The following HS6ST3 variants were observed in gnomAD, a reference collection of about 807,000 sequenced individuals.
The protein encoded by HS6ST3 is heparan-sulfate 6-O-sulfotransferase 3.
In HS6ST3, 12 loss-of-function variants were observed where a neutral mutation model predicts 36.7. That is an observed-to-expected ratio of 0.33 (90% CI 0.21 to 0.53). The LOEUF (loss-of-function observed/expected upper bound fraction) is 0.53. Among genes scored for constraint, HS6ST3 ranks in the 20% least tolerant of loss-of-function variants. The probability of loss-of-function intolerance (pLI) is 0.95; values close to 1 mark genes in which losing one functional copy is unlikely to be tolerated. For missense variants in HS6ST3, 584 were observed against 640.9 expected (o/e 0.91, Z 0.96); for synonymous variants, 240 against 257.5 (o/e 0.93, Z 0.65).
chr13:96,752,426 G>A (rs1170809609), intron 1 of HS6ST3, among the ~76,000 whole-genome samples: 1 of 152,062 alleles, frequency 6.6e-6, no homozygotes, highest in East Asian at 1.9e-4. Context: ...AGCAGTGTTG[G>A]AACACTTTCT....
chr13:96,164,634 T>C (rs1052431195), intron 1 of HS6ST3, among the ~76,000 whole-genome samples: 2 of 152,152 alleles, frequency 1.3e-5, no homozygotes, highest in Admixed American at 1.3e-4. Flanking sequence ...CTCCACACAT[T>C]CCTCTTCACC....
chr13:96,241,409 A>G (rs895162614), intron 1 of HS6ST3, among the ~76,000 whole-genome samples: 3 of 152,120 alleles, frequency 2.0e-5, no homozygotes, highest in African/African-American at 7.2e-5. Flanking sequence ...TATATTATCC[A>G]TGGACCTATG....
chr13:96,223,663 GA>G (rs386773632), intron 1 of HS6ST3, among the ~76,000 whole-genome samples: 2 of 151,576 alleles, frequency 1.3e-5, no homozygotes, highest in East Asian at 1.9e-4. Context: ...TGGGGGGGGG[GA>G]AGTTTTTGTC....
In HS6ST3 at chr13:96,221,017, G is replaced by A. The variant is rs1371811869; in HGVS notation, c.707+129448G>A. Reference sequence around the variant, plus strand: ...CATCTTAAATATTATTATACATTTGGGTCAAATGAATGGATAGAAATAGCT... The same window carrying A: ...CATCTTAAATATTATTATACATTTGAGTCAAATGAATGGATAGAAATAGCT... On this transcript the variant is annotated intron_variant, in intron 1 of 1. Transcript: ENST00000376705. Among the ~76,000 whole-genome samples, 2 of 151,894 alleles carry A rather than the reference G, an allele frequency of 1.3e-5. 1 individual carries two copies. The highest frequency in any genetic ancestry group is 6.8e-3 in the Middle Eastern group (2 of 294).
intron 1 of HS6ST3, among the ~76,000 whole-genome samples, chr13:96,108,513 T>C (rs1238791900): frequency 6.6e-6 from 1 of 152,164 alleles, no homozygotes; most frequent in Non-Finnish European, 1.5e-5. Flanking sequence ...GTACACTCCC[T>C]CCCCTTTGAA....
At chr13:96,489,015 G>A (rs1328481422) in intron 1 of HS6ST3, among the ~76,000 whole-genome samples, 1 of 151,830 alleles carries the variant, frequency 6.6e-6, no homozygotes. Flanking sequence ...TACTGAAGAG[G>A]AAGATTAATA....
intron 1 of HS6ST3, among the ~76,000 whole-genome samples, chr13:96,517,621 CT>C (rs2056077724): frequency 6.6e-6 from 1 of 152,004 alleles, no homozygotes; most frequent in African/African-American, 2.4e-5. Flanking sequence ...TTATTTTAGG[CT>C]TGGGGCACAT....
intron 1 of HS6ST3, among the ~76,000 whole-genome samples, chr13:96,663,386 T>A (rs1040733928): frequency 3.3e-5 from 5 of 152,130 alleles, no homozygotes; most frequent in African/African-American, 1.2e-4. Flanking sequence ...AACTGGCTAA[T>A]AAGTGCATAA....
intron 1 of HS6ST3, among the ~76,000 whole-genome samples, chr13:96,384,509 T>C (rs967984696): frequency 2.6e-5 from 4 of 152,156 alleles, no homozygotes; most frequent in African/African-American, 9.7e-5. Flanking sequence ...TGCTAATAAG[T>C]GTCCATTGCT....
At chr13:96,806,578 CAAT>C (rs1280315501) in intron 1 of HS6ST3, among the ~76,000 whole-genome samples, 1 of 152,094 alleles carries the variant, frequency 6.6e-6, no homozygotes, top group Non-Finnish European at 1.5e-5. Flanking sequence ...GTTATTGTCA[CAAT>C]AATCTGCTTG....
intron 1 of HS6ST3, among the ~76,000 whole-genome samples, chr13:96,475,478 GTT>G (rs1307865771): frequency 6.6e-6 from 1 of 152,006 alleles, no homozygotes; most frequent in African/African-American, 2.4e-5. Context: ...GTTTTCACAA[GTT>G]TTCTTTTATT....
intron 1 of HS6ST3, among the ~76,000 whole-genome samples, chr13:96,457,027 C>T (rs1222909709): frequency 6.6e-6 from 1 of 151,962 alleles, no homozygotes; most frequent in Admixed American, 6.6e-5. Context: ...TATTTTAATG[C>T]AGTAGTAAAA....
At chr13:96,743,940 C>T (rs1369522487) in intron 1 of HS6ST3, among the ~76,000 whole-genome samples, 1 of 151,962 alleles carries the variant, frequency 6.6e-6, no homozygotes, top group Non-Finnish European at 1.5e-5. Flanking sequence ...GGGCCAAGCT[C>T]GTGCTTTTTT....
At chr13:96,825,298 G>A (rs762280222) in intron 1 of HS6ST3, among the ~76,000 whole-genome samples, 19 of 152,212 alleles carry the variant, frequency 1.2e-4, no homozygotes, top group Non-Finnish European at 2.1e-4. Flanking sequence ...CCAGCAAAGT[G>A]ATTCCAGGAA....
intron 1 of HS6ST3, among the ~76,000 whole-genome samples, chr13:96,693,073 T>C (rs1029112728): frequency 2.0e-5 from 3 of 152,190 alleles, no homozygotes; most frequent in African/African-American, 4.8e-5. Context: ...CATACTTTCA[T>C]TTTACTTCTC....
At chr13:96,590,696 G>A (rs943234454) in intron 1 of HS6ST3, among the ~76,000 whole-genome samples, 1 of 151,998 alleles carries the variant, frequency 6.6e-6, no homozygotes. Context: ...TTAACTTGAT[G>A]TGATTCCATT....
intron 1 of HS6ST3, among the ~76,000 whole-genome samples, chr13:96,475,093 A>G (rs2055857256): frequency 6.6e-6 from 1 of 152,084 alleles, no homozygotes; most frequent in Admixed American, 6.6e-5. Flanking sequence ...TTGTCCCTAA[A>G]TAGACCTTTT....
intron 1 of HS6ST3, among the ~76,000 whole-genome samples, chr13:96,306,855 G>A (rs1013366742): frequency 2.6e-5 from 4 of 152,162 alleles, no homozygotes; most frequent in Non-Finnish European, 4.4e-5. Flanking sequence ...TAAGAAAGCT[G>A]GACTTTAATA....
chr13:96,159,274 G>T (rs946883593), intron 1 of HS6ST3, among the ~76,000 whole-genome samples: 7 of 152,166 alleles, frequency 4.6e-5, no homozygotes, highest in African/African-American at 9.7e-5. Context: ...TTGCAGGTAC[G>T]CCCTCGTTTT....
Sources: allele counts gnomAD v4.1 joint callset (sites outside exome capture counted in the v4.1 genomes callset), GRCh38; gene constraint gnomAD v4.1.1; transcripts MANE v1.5; gene names NCBI Gene and HGNC (gene_info 2026-07-23, HGNC 2026-07-21).